Variants in CLSPN observed in about 807,000 individuals in gnomAD.
The protein encoded by CLSPN is claspin, also known as claspin homolog.
In CLSPN, 85 loss-of-function variants were observed where a neutral mutation model predicts 156.3. The observed-to-expected ratio is 0.54, with a 90% CI of 0.46 to 0.65. The LOEUF is 0.65. CLSPN is among the 30% of genes least tolerant of loss of function. The pLI, the probability that CLSPN is intolerant of heterozygous loss-of-function variation, is 0.00. For synonymous variants in CLSPN, 534 were observed against 542.4 expected, an observed-to-expected ratio of 0.98 and a Z score of 0.22; for missense variants, 1,407 against 1,554.9, an observed-to-expected ratio of 0.90 and a Z score of 1.60.
At chr1:35,760,957 A>G in intron 7 of CLSPN, 41 bp from the exon 8 acceptor site, 1 of 1,504,440 alleles carries the variant, frequency 6.6e-7, no homozygotes, top group Non-Finnish European at 9.2e-7. Flanking sequence ...AATTATCCTA[A>G]ATGTGAAACA....
chr1:35,767,213 T>C (rs991748336), intron 1 of CLSPN, among the ~76,000 whole-genome samples: 4 of 152,182 alleles, frequency 2.6e-5, no homozygotes, highest in Non-Finnish European at 5.9e-5. Context: ...TAAAGTGGCA[T>C]ATAAAAATAA....
chr1:35,738,132 A>G lies in CLSPN; in HGVS notation c.3559-35T>C, dbSNP rs754262295. ...AAAAAAAATATATATATATATATAT[A>G]TATATATACAGCATTAAAAGTCTAT... On this transcript the variant is annotated intron_variant, in intron 21 of 24. Coordinates refer to ENST00000318121, the MANE Select transcript of CLSPN (RefSeq NM_022111.4). The G allele has an allele frequency of 9.8e-6, 7 of 714,976 alleles. 2 individuals are homozygous for G. In the Admixed American group the frequency reaches 2.4e-4, roughly 24 times the overall value. The allele number at this position is 714,976 out of a possible 1,614,324, so 44.3% of individuals were successfully genotyped here. A position where few individuals can be genotyped will look rare whatever the true frequency, so the allele number is the denominator to read the frequency against.
At chr1:35,745,665 G>T in intron 15 of CLSPN, 103 bp from the exon 16 acceptor site, 1 of 780,370 alleles carries the variant, frequency 1.3e-6, no homozygotes, top group Non-Finnish European at 2.1e-6. Flanking sequence ...TCTAAGGTAA[G>T]CTTGCCAAGA....
At chr1:35,741,187 A>AT (rs1641677708) in intron 18 of CLSPN, among the ~76,000 whole-genome samples, 1 of 152,234 alleles carries the variant, frequency 6.6e-6, no homozygotes, top group Non-Finnish European at 1.5e-5. Context: ...AATTATACAT[A>AT]TAGAAAGATT....
At chr1:35,762,138 T>C in intron 5 of CLSPN, 68 bp from the exon 6 acceptor site, 3 of 1,215,460 alleles carry the variant, frequency 2.5e-6, no homozygotes, top group Middle Eastern at 1.9e-4. Context: ...TATTCATCAC[T>C]CAAGAGTTTG....
chr1:35,721,717 C>T (rs1641078320), intron 24 of CLSPN, among the ~76,000 whole-genome samples: 1 of 152,014 alleles, frequency 6.6e-6, no homozygotes, highest in South Asian at 2.1e-4. Context: ...CTGCAATACC[C>T]AGAATCTCAG....
At chr1:35,731,313 AAAG>A (rs1282231728), downstream of CLSPN, among the ~76,000 whole-genome samples, 8 of 152,256 alleles carry the variant, frequency 5.3e-5, no homozygotes, top group African/African-American at 1.7e-4. Flanking sequence ...TTAGTCAGAC[AAAG>A]AAGGAGGATG....
intron 4 of CLSPN, 76 bp downstream of exon 4, chr1:35,763,084 T>C (rs1642538887): frequency 8.1e-7 from 1 of 1,235,986 alleles, no homozygotes. Flanking sequence ...AAAATTAAGG[T>C]TCCAACAGTA....
At chr1:35,740,419 CTCT>C (rs1380065443) in intron 18 of CLSPN, among the ~76,000 whole-genome samples, 1 of 147,752 alleles carries the variant, frequency 6.8e-6, no homozygotes, top group Non-Finnish European at 1.5e-5. Flanking sequence ...ACTGTATTTT[CTCT>C]TTTTTTTTTT....
At position 35,720,442 on chromosome 1, in the gene CLSPN, CT is replaced by C. The variant is rs71062889; in HGVS notation, c.*448del. ...CAGCCTGGGGTGACCCAAATCCTCA[CT>C]TTTTTTTTTTTTTTTTTTTTTTTTG... On this transcript the variant is annotated 3_prime_UTR_variant, in exon 25 of 25. Coordinates refer to the CLSPN transcript ENST00000251195. The C allele has an allele frequency of 8.4e-3, 680 of 80,844 alleles. 2 individuals carry two copies. Among genetic ancestry groups the C allele is most frequent in the African/African-American group, 0.032 (639 of 20,150 alleles). The allele number at this position is 80,844 out of a possible 1,614,324, so 5.0% of individuals were successfully genotyped here. A position where few individuals can be genotyped will look rare whatever the true frequency, so the allele number is the denominator to read the frequency against.
At chr1:35,751,011 G>T (rs1050344329) in intron 10 of CLSPN, among the ~76,000 whole-genome samples, 3 of 151,354 alleles carry the variant, frequency 2.0e-5, no homozygotes, top group Non-Finnish European at 1.5e-5. Flanking sequence ...CCAGGCAATG[G>T]TATTCTGTCA....
intron 8 of CLSPN, among the ~76,000 whole-genome samples, chr1:35,758,176 T>G (rs371738605): frequency 3.5e-5 from 5 of 143,644 alleles, no homozygotes; most frequent in African/African-American, 8.8e-5. Context: ...TTTTTGTGTT[T>G]TTTTTTTTTT....
At position 35,734,858 on chromosome 1, in the gene CLSPN, A is replaced by G. The variant is rs985331040; in HGVS notation, c.*1638T>C. The G allele has an allele frequency of 2.0e-6, 2 of 985,342 alleles. No individual in the cohort carries two copies. The highest frequency in any genetic ancestry group is 3.5e-5 in the African/African-American group (2 of 57,250). The allele number at this position is 985,342 out of a possible 1,614,324, so 61.0% of individuals were successfully genotyped here. On this transcript the variant is annotated 3_prime_UTR_variant, in exon 25 of 25. Transcript: ENST00000318121. ...CTGACACTGAAACCACAGTATTCAC[A>G]TGGAATGTTTTTCCAAAGCAGCACT... is the stretch of plus-strand genomic sequence containing the variant.
chr1:35,755,827 C>G (rs1177302308), intron 8 of CLSPN, among the ~76,000 whole-genome samples: 2 of 152,120 alleles, frequency 1.3e-5, no homozygotes, highest in African/African-American at 4.8e-5. Flanking sequence ...TCCTACCTCA[C>G]CCTCCCAAGT....
At chr1:35,768,424 TTG>T (rs1642745476) in intron 1 of CLSPN, among the ~76,000 whole-genome samples, 1 of 152,042 alleles carries the variant, frequency 6.6e-6, no homozygotes, top group African/African-American at 2.4e-5. Flanking sequence ...TTTTTTTTTT[TTG>T]ATACAGTGTC....
At chr1:35,758,801 C>CTTTTTTTTTTTTTTTTTTTTTCTT in intron 8 of CLSPN, among the ~76,000 whole-genome samples, 1 of 138,310 alleles carries the variant, frequency 7.2e-6, no homozygotes, top group Non-Finnish European at 1.5e-5. Context: ...TTTTCTTTTT[C>CTTTTTTTTTTTTTTTTTTTTTCTT]TTTTTTTTTT....
chr1:35,748,912 G>A (rs1641990069), intron 12 of CLSPN: 2 of 351,010 alleles, frequency 5.7e-6, no homozygotes, highest in South Asian at 2.2e-5. Context: ...TGCAACCTCC[G>A]CCTCCCAGGT....
Position 35,767,795 on chromosome 1 carries a change from G to A in CLSPN, c.24+2052C>T, listed in dbSNP as rs560511230. ...ATTTCAGACGAGAGATATTCAAACT[G>A]TAGTTGAAGTAAGGTGATGGGTTCA... On this transcript the variant is annotated intron_variant, in intron 1 of 24. Transcript: ENST00000318121. Among the ~76,000 whole-genome samples the A allele has an allele frequency of 1.4e-4, 21 of 152,316 alleles. No individual in the cohort carries two copies. The South Asian group carries it at 4.1e-3, about 30-fold the overall frequency.
At chr1:35,727,635 T>G (rs1427694535), downstream of CLSPN, among the ~76,000 whole-genome samples, 1 of 152,224 alleles carries the variant, frequency 6.6e-6, no homozygotes, top group Non-Finnish European at 1.5e-5. Flanking sequence ...CACTGATCCT[T>G]GGAAACGGTG....
Sources: gnomAD v4.1 joint callset for allele counts (sites outside exome capture counted in the v4.1 genomes callset) on GRCh38, gnomAD v4.1.1 for gene constraint, MANE v1.5 for transcripts, NCBI Gene and HGNC (gene_info 2026-07-23, HGNC 2026-07-21) for gene names.